The following ELFN2 variants were observed in gnomAD, a reference collection of about 807,000 sequenced individuals.
ELFN2 encodes the protein extracellular leucine rich repeat and fibronectin type III domain containing 2.
ELFN2 carries 17 observed loss-of-function variants against 45.5 expected under a neutral mutation model. The observed-to-expected ratio is 0.37, with a 90% CI of 0.26 to 0.56. The LOEUF is 0.56. Ranked by LOEUF, ELFN2 falls within the 20% of genes least tolerant of loss-of-function variation. The pLI is 0.77. For missense variants in ELFN2, 922 were observed against 1,183.2 expected (o/e 0.78, Z 3.24); for synonymous variants, 550 against 551.5 (o/e 1.00, Z 0.04).
downstream of ELFN2, among the ~76,000 whole-genome samples, chr22:37,367,435 G>C (rs918519939): frequency 3.3e-5 from 5 of 152,234 alleles, no homozygotes; most frequent in Non-Finnish European, 7.3e-5. Context: ...CCCAGGACAG[G>C]CTGCCCAGGC....
intron 2 of ELFN2, among the ~76,000 whole-genome samples, chr22:37,403,932 T>C (rs1932432011): frequency 6.6e-6 from 1 of 152,168 alleles, no homozygotes; most frequent in African/African-American, 2.4e-5. Flanking sequence ...CAAAGGGCTC[T>C]TGGGAGAAAG....
chr22:37,368,973 A>C lies in ELFN2; in HGVS notation c.*4099T>G, dbSNP rs376516851. The C allele has an allele frequency of 3.4e-5, 5 of 147,200 alleles. No individual in the cohort carries two copies. The East Asian group carries it at 6.1e-4, about 18-fold the overall frequency. The allele number at this position is 147,200 out of a possible 1,614,324, so 9.1% of individuals were successfully genotyped here. A position where few individuals can be genotyped will look rare whatever the true frequency, so the allele number is the denominator to read the frequency against. On this transcript the variant is annotated 3_prime_UTR_variant, in exon 3 of 3. Coordinates refer to ENST00000402918, the MANE Select transcript of ELFN2 (RefSeq NM_052906.5). ...ATCCCACACAGGATGCTCCCTGACC[A>C]GCCTTGCCCCTCCCCCATCACCCTA... is the stretch of plus-strand genomic sequence containing the variant.
At chr22:37,405,139 C>T (rs932209842) in intron 2 of ELFN2, among the ~76,000 whole-genome samples, 7 of 144,996 alleles carry the variant, frequency 4.8e-5, no homozygotes, top group African/African-American at 7.8e-5. Flanking sequence ...CTTGCCCAGG[C>T]TGGAGTGCAA....
chr22:37,356,163 A>C (rs5995421), intron 1 of ELFN2, among the ~76,000 whole-genome samples: 1 of 151,870 alleles, frequency 6.6e-6, no homozygotes, highest in Non-Finnish European at 1.5e-5. Context: ...GGGGGCGGTC[A>C]ACTTCTCTAG....
chr22:37,388,380 C>T (rs1156810160), intron 2 of ELFN2, among the ~76,000 whole-genome samples: 1 of 152,296 alleles, frequency 6.6e-6, no homozygotes, highest in East Asian at 1.9e-4. Flanking sequence ...TACCTCTGGA[C>T]TGAGTTCCCC....
At chr22:37,423,381 G>A (rs2145694093) in intron 1 of ELFN2, among the ~76,000 whole-genome samples, 1 of 152,302 alleles carries the variant, frequency 6.6e-6, no homozygotes, top group Non-Finnish European at 1.5e-5. Context: ...GGCCCAGAAA[G>A]GGCCTTCAGT....
chr22:37,405,109 T>TC (rs1200714255), intron 2 of ELFN2, among the ~76,000 whole-genome samples: 1 of 150,342 alleles, frequency 6.7e-6, no homozygotes, highest in Admixed American at 6.6e-5. Context: ...TTTTTTTTTT[T>TC]TTTGAGACGG....
intron 2 of ELFN2, among the ~76,000 whole-genome samples, chr22:37,396,010 C>T (rs746580300): frequency 5.3e-5 from 8 of 152,098 alleles, no homozygotes; most frequent in African/African-American, 1.2e-4. Flanking sequence ...TCTGAGGACC[C>T]GCTACCACCG....
In ELFN2 at chr22:37,403,020, C is replaced by T. The variant is rs142210524; in HGVS notation, c.-463+14749G>A. Among the ~76,000 whole-genome samples the T allele has an allele frequency of 1.9e-3, 296 of 152,274 alleles. 1 individual carries two copies. Among genetic ancestry groups the T allele is most frequent in the Non-Finnish European group, 2.2e-3 (150 of 68,016 alleles). On this transcript the variant is annotated intron_variant, in intron 2 of 2. Coordinates refer to ENST00000402918, the MANE Select transcript of ELFN2 (RefSeq NM_052906.5). ...GAGACCATGCCTCACTTGCCCACAA[C>T]TGCCCCCTCCTGCTGGCATCGAGCA...
Position 37,375,335 on chromosome 22 carries a change from A to G in ELFN2, c.200T>C (p.Leu67Pro). 1 of 1,613,138 alleles carries G rather than the reference A, an allele frequency of 6.2e-7. No homozygotes were observed. Among genetic ancestry groups the G allele is most frequent in the Non-Finnish European group, 8.5e-7 (1 of 1,179,862 alleles). Residue 67 changes from leucine (L) to proline (P), a missense_variant, in exon 3 of 3, where the codon CTC (leucine) becomes CCC (proline). Physicochemically the swap from Leu to Pro is moderately conservative, Grantham distance 98 (BLOSUM62 -3). Transcript: ENST00000402918. ...GAGCGAGGAGTAGAGCACGGCTTTG[A>G]GCTTGTTCTCGTTGAGCCGCAGGTC... Reference protein sequence around the residue: ...VHDLRLNENKLKAVLYSSLNR... With the variant: ...VHDLRLNENKPKAVLYSSLNR...
In ELFN2 at chr22:37,351,586, C is replaced by G. The variant is rs141025775; in HGVS notation, n.149-8883G>C. 1.9e-4 allele frequency among the ~76,000 whole-genome samples: 29 copies of G among 149,954 alleles called. 1 individual carries two copies. The highest frequency in any genetic ancestry group is 1.5e-3 in the South Asian group (7 of 4,802). ...CTTCCCCATGCTCCAGCGTCCCCCC[C>G]ACCCTCTCGACTTCTGACCATCCCA... On this transcript the variant is annotated intron_variant and non_coding_transcript_variant, in intron 1 of 2. Coordinates refer to ENST00000452946, the Ensembl canonical transcript of ELFN2.
intron 2 of ELFN2, among the ~76,000 whole-genome samples, chr22:37,341,620 G>A (rs1157911296): frequency 1.3e-5 from 2 of 152,216 alleles, no homozygotes; most frequent in Non-Finnish European, 2.9e-5. Flanking sequence ...TCTGAGAACA[G>A]CCCCATCTCA....
intron 1 of ELFN2, chr22:37,354,807 C>T (rs533029487): frequency 4.6e-5 from 7 of 150,766 alleles, no homozygotes; most frequent in East Asian, 3.9e-4. Context: ...AAAGCACCCC[C>T]GGTGCCTTCC....
chr22:37,364,000 G>GTC (rs146179679), downstream of ELFN2, among the ~76,000 whole-genome samples: 2,853 of 152,302 alleles, frequency 0.019, 99 homozygotes, highest in African/African-American at 0.065. Flanking sequence ...CCATGTGGGA[G>GTC]TCCTCAGATG....
chr22:37,424,486 G>T (rs1198453566), intron 1 of ELFN2, among the ~76,000 whole-genome samples: 1 of 152,140 alleles, frequency 6.6e-6, no homozygotes, highest in Non-Finnish European at 1.5e-5. Context: ...GAGCTTGTGG[G>T]TGGAAGAGCA....
At chr22:37,397,084 T>C (rs1369743124) in intron 2 of ELFN2, among the ~76,000 whole-genome samples, 1 of 152,122 alleles carries the variant, frequency 6.6e-6, no homozygotes, top group Admixed American at 6.5e-5. Flanking sequence ...GGTGAACTCC[T>C]ACCAGCTTCA....
At chr22:37,348,703 C>T (rs1286265751) in intron 1 of ELFN2, among the ~76,000 whole-genome samples, 1 of 150,844 alleles carries the variant, frequency 6.6e-6, no homozygotes, top group African/African-American at 2.4e-5. Flanking sequence ...TCTCTCTGTC[C>T]TCAGCTCCCG....
intron 1 of ELFN2, among the ~76,000 whole-genome samples, chr22:37,343,135 C>T (rs1234984349): frequency 6.6e-6 from 1 of 152,062 alleles, no homozygotes; most frequent in Non-Finnish European, 1.5e-5. Context: ...GCCGAGGACA[C>T]ACAGTGAGGC....
chr22:37,380,951 G>A (rs1931743749), intron 2 of ELFN2, among the ~76,000 whole-genome samples: 1 of 152,124 alleles, frequency 6.6e-6, no homozygotes, highest in Non-Finnish European at 1.5e-5. Flanking sequence ...CCTTCACCAT[G>A]GAACTACCGT....
Sources: allele counts gnomAD v4.1 joint callset (sites outside exome capture counted in the v4.1 genomes callset), GRCh38; gene constraint gnomAD v4.1.1; transcripts MANE v1.5; gene names NCBI Gene and HGNC (gene_info 2026-07-23, HGNC 2026-07-21).